The following STX8 variants were observed in gnomAD, a reference collection of about 807,000 sequenced individuals.
STX8 encodes syntaxin-8.
STX8 carries 23 observed loss-of-function variants against 37.5 expected under a neutral mutation model. That is an observed-to-expected ratio of 0.61 (90% CI 0.44 to 0.87). The LOEUF is 0.87. STX8 is among the 40% of genes least tolerant of loss of function. The probability of loss-of-function intolerance (pLI) is 0.00; values close to 1 mark genes in which losing one functional copy is unlikely to be tolerated. For missense variants in STX8, 313 were observed against 284.7 expected (o/e 1.10, Z -0.71); for synonymous variants, 115 against 99.1 (o/e 1.16, Z -0.95).
In STX8 at chr17:9,331,756, C is replaced by T. The variant is rs1035969603; in HGVS notation, c.643+46796G>A. On this transcript the variant is annotated intron_variant, in intron 7 of 7. Transcript: ENST00000306357. Reference sequence around the variant, plus strand: ...AAAGTGCTAAACACGCCCTGTTTTTCCTCCGCCTGTTCTCTCTCTCCCTCC... The same window carrying T: ...AAAGTGCTAAACACGCCCTGTTTTTTCTCCGCCTGTTCTCTCTCTCCCTCC... Among the ~76,000 whole-genome samples, 13 of 152,034 alleles carry T rather than the reference C, an allele frequency of 8.6e-5. 1 individual carries two copies. The highest frequency in any genetic ancestry group is 7.9e-4 in the Admixed American group (12 of 15,266).
intron 7 of STX8, among the ~76,000 whole-genome samples, chr17:9,352,890 A>ATT (rs1159782187): frequency 1.4e-5 from 2 of 143,260 alleles, no homozygotes; most frequent in African/African-American, 5.2e-5. Flanking sequence ...AATTGCCTCC[A>ATT]TTTTTTTTTT....
chr17:9,372,857 A>G (rs1007689776), intron 7 of STX8, among the ~76,000 whole-genome samples: 1 of 149,626 alleles, frequency 6.7e-6, no homozygotes, highest in African/African-American at 2.5e-5. Context: ...TAATCCCAAA[A>G]CTTTGGTAGG....
intron 7 of STX8, among the ~76,000 whole-genome samples, chr17:9,253,976 T>TG (rs1403578893): frequency 6.6e-6 from 1 of 152,172 alleles, no homozygotes; most frequent in African/African-American, 2.4e-5. Context: ...ATCCCTGATT[T>TG]GGCTCCCTGC....
At chr17:9,402,032 C>T (rs1170314676) in intron 6 of STX8, among the ~76,000 whole-genome samples, 1 of 152,118 alleles carries the variant, frequency 6.6e-6, no homozygotes, top group African/African-American at 2.4e-5. Context: ...TCTCTTAGAG[C>T]CACAGTTGGC....
At chr17:9,304,507 C>CAAAAAAAAAAAAAAAAAAAAAAAA (rs35673905) in intron 7 of STX8, among the ~76,000 whole-genome samples, 43 of 56,734 alleles carry the variant, frequency 7.6e-4, no homozygotes, top group East Asian at 1.7e-3. Context: ...GAAACTGTCT[C>CAAAAAAAAAAAAAAAAAAAAAAAA]AAAAAAAAAA....
At chr17:9,477,813 G>T (rs1906163641) in intron 6 of STX8, among the ~76,000 whole-genome samples, 1 of 152,210 alleles carries the variant, frequency 6.6e-6, no homozygotes, top group Non-Finnish European at 1.5e-5. Flanking sequence ...ATATGTGGGG[G>T]TGGCTGTGGC....
At chr17:9,517,694 C>T (rs1210819946) in intron 4 of STX8, among the ~76,000 whole-genome samples, 1 of 150,672 alleles carries the variant, frequency 6.6e-6, no homozygotes, top group Admixed American at 6.6e-5. Context: ...TAGTTCACAC[C>T]TGTAATCCCA....
intron 6 of STX8, among the ~76,000 whole-genome samples, chr17:9,403,911 G>A (rs1394357789): frequency 1.3e-5 from 2 of 152,098 alleles, no homozygotes; most frequent in Non-Finnish European, 2.9e-5. Context: ...CTCCCAAAGT[G>A]CTGGGATTAC....
At chr17:9,285,355 T>C (rs967658188) in intron 7 of STX8, among the ~76,000 whole-genome samples, 4 of 149,726 alleles carry the variant, frequency 2.7e-5, no homozygotes, top group African/African-American at 9.9e-5. Flanking sequence ...ATTCTGCAGG[T>C]GTTGGATATA....
intron 6 of STX8, among the ~76,000 whole-genome samples, chr17:9,479,710 A>G (rs1906236500): frequency 6.6e-6 from 1 of 151,894 alleles, no homozygotes; most frequent in South Asian, 2.1e-4. Context: ...TACAGAATCC[A>G]TAAGTAGCAA....
intron 7 of STX8, among the ~76,000 whole-genome samples, chr17:9,373,126 G>GAAAAGAAAAAGA (rs551413671): frequency 6.7e-6 from 1 of 148,514 alleles, no homozygotes; most frequent in East Asian, 2.0e-4. Context: ...AAAAAGAAAA[G>GAAAAGAAAAAGA]AAAAGAAAAA....
intron 4 of STX8, 28 bp downstream of exon 4, chr17:9,545,144 G>C: frequency 6.6e-7 from 1 of 1,522,164 alleles, no homozygotes; most frequent in Non-Finnish European, 9.1e-7. Flanking sequence ...CGCCCACCAA[G>C]TAATCCCTGT....
At chr17:9,287,026 C>T (rs560109640) in intron 7 of STX8, among the ~76,000 whole-genome samples, 5 of 152,230 alleles carry the variant, frequency 3.3e-5, no homozygotes, top group East Asian at 3.9e-4. Flanking sequence ...GTTGATTTCA[C>T]GTGGGCAAAC....
intron 7 of STX8, among the ~76,000 whole-genome samples, chr17:9,254,787 T>C (rs1006272187): frequency 3.3e-5 from 5 of 152,112 alleles, no homozygotes; most frequent in Non-Finnish European, 5.9e-5. Context: ...TTCACCGCCA[T>C]ATCCCCCGTA....
At chr17:9,436,182 CAA>C (rs35723779) in intron 6 of STX8, among the ~76,000 whole-genome samples, 36 of 137,428 alleles carry the variant, frequency 2.6e-4, no homozygotes, top group South Asian at 4.6e-4. Flanking sequence ...ACTAAAAATA[CAA>C]AAAAAAAAAA....
intron 6 of STX8, among the ~76,000 whole-genome samples, chr17:9,399,985 C>T (rs1039726147): frequency 7.9e-5 from 12 of 151,822 alleles, no homozygotes; most frequent in African/African-American, 2.9e-4. Flanking sequence ...AACATGGTAG[C>T]TTATTAGGCC....
intron 6 of STX8, among the ~76,000 whole-genome samples, chr17:9,380,709 CTTTTTTTTTT>C (rs776433325): frequency 1.0e-5 from 1 of 98,538 alleles, no homozygotes; most frequent in Non-Finnish European, 1.8e-5. Flanking sequence ...GATACAGAAA[CTTTTTTTTTT>C]TTTTTTTTTT....
chr17:9,316,312 G>T (rs1041623118), intron 7 of STX8, among the ~76,000 whole-genome samples: 1 of 152,042 alleles, frequency 6.6e-6, no homozygotes, highest in South Asian at 2.1e-4. Context: ...TTAATGAGAT[G>T]ATGGCTGACT....
At chr17:9,327,259 GAGGAGGAGGAAGGAGGAAGA>G (rs1567784994) in intron 7 of STX8, among the ~76,000 whole-genome samples, 2 of 147,660 alleles carry the variant, frequency 1.4e-5, no homozygotes, top group East Asian at 1.9e-4. Context: ...AAGGAGGAAG[GAGGAGGAGGAAGGAGGAAGA>G]AGGAAGAAAG....
Sources: gnomAD v4.1 joint callset for allele counts (sites outside exome capture counted in the v4.1 genomes callset) on GRCh38, gnomAD v4.1.1 for gene constraint, MANE v1.5 for transcripts, NCBI Gene and HGNC (gene_info 2026-07-23, HGNC 2026-07-21) for gene names.